Variants in MYO5B observed in about 807,000 individuals in gnomAD.
MYO5B encodes the protein myosin VB.
MYO5B carries 143 observed loss-of-function variants against 229.3 expected under a neutral mutation model. The ratio of observed to expected loss-of-function variants is 0.62; its 90% CI spans 0.54 to 0.72. The LOEUF (loss-of-function observed/expected upper bound fraction) is 0.72, where lower values mean the gene tolerates loss of function less well. Among genes scored for constraint, MYO5B ranks in the 30% least tolerant of loss-of-function variants. The probability of loss-of-function intolerance (pLI) is 0.00; values close to 1 mark genes in which losing one functional copy is unlikely to be tolerated. For missense variants in MYO5B, 2,321 were observed against 2,331.0 expected, an observed-to-expected ratio of 1.00 and a Z score of 0.09; for synonymous variants, 918 against 885.2, an observed-to-expected ratio of 1.04 and a Z score of -0.66.
chr18:50,182,420 C>T (rs1348363113), intron 1 of MYO5B, among the ~76,000 whole-genome samples: 2 of 152,068 alleles, frequency 1.3e-5, no homozygotes, highest in East Asian at 1.9e-4. Context: ...GTTAATAAAA[C>T]CTTTTGAGTT....
At chr18:49,944,958 G>T (rs2025355078) in intron 14 of MYO5B, among the ~76,000 whole-genome samples, 1 of 152,202 alleles carries the variant, frequency 6.6e-6, no homozygotes, top group South Asian at 2.1e-4. Context: ...CCAATGGCTA[G>T]AAGTGGTGTG....
intron 13 of MYO5B, among the ~76,000 whole-genome samples, chr18:49,953,969 G>A (rs1273274343): frequency 6.9e-6 from 1 of 145,914 alleles, no homozygotes; most frequent in Admixed American, 6.9e-5. Flanking sequence ...GTGTGTGTAT[G>A]TGTGTGTGTA....
intron 1 of MYO5B, among the ~76,000 whole-genome samples, chr18:50,142,234 C>T (rs988241406): frequency 1.1e-4 from 17 of 152,158 alleles, no homozygotes; most frequent in African/African-American, 3.1e-4. Flanking sequence ...TTCAGGTTGA[C>T]GGAGCAACCC....
At chr18:50,057,872 C>A (rs1336618735) in intron 1 of MYO5B, among the ~76,000 whole-genome samples, 1 of 152,156 alleles carries the variant, frequency 6.6e-6, no homozygotes, top group Non-Finnish European at 1.5e-5. Context: ...ACATCAGAAT[C>A]CTCATACTAA....
intron 1 of MYO5B, among the ~76,000 whole-genome samples, chr18:50,097,952 C>T (rs2031585459): frequency 6.6e-6 from 1 of 152,180 alleles, no homozygotes; most frequent in Non-Finnish European, 1.5e-5. Flanking sequence ...AACTAATGCT[C>T]TACCCTAAAC....
At chr18:50,148,677 C>T (rs866918966) in intron 1 of MYO5B, among the ~76,000 whole-genome samples, 11 of 151,870 alleles carry the variant, frequency 7.2e-5, no homozygotes, top group South Asian at 4.2e-4. Context: ...ATTGATGGGA[C>T]GTATCTCAAA....
chr18:50,023,828 G>T (rs1232914405), intron 4 of MYO5B, among the ~76,000 whole-genome samples: 2 of 152,112 alleles, frequency 1.3e-5, no homozygotes. Context: ...GGAGACACTA[G>T]AAGTTTCCAG....
At chr18:50,019,497 G>A (rs1478415346) in intron 4 of MYO5B, among the ~76,000 whole-genome samples, 1 of 152,210 alleles carries the variant, frequency 6.6e-6, no homozygotes, top group Non-Finnish European at 1.5e-5. Flanking sequence ...AGCCTCCAGA[G>A]CCCAGCATTC....
intron 1 of MYO5B, among the ~76,000 whole-genome samples, chr18:50,178,608 A>T (rs1055067735): frequency 1.3e-5 from 2 of 152,182 alleles, no homozygotes; most frequent in African/African-American, 4.8e-5. Context: ...TTATAACCTA[A>T]ATAATTTGGC....
chr18:49,956,673 T>C (rs2025495737), intron 12 of MYO5B, among the ~76,000 whole-genome samples: 1 of 75,902 alleles, frequency 1.3e-5, no homozygotes, highest in Admixed American at 1.3e-4. Context: ...GAAATGCACA[T>C]ACAGCTATAT....
chr18:49,906,777 G>T, intron 18 of MYO5B, 147 bp from the exon 19 acceptor site: 1 of 739,474 alleles, frequency 1.4e-6, no homozygotes, highest in Non-Finnish European at 2.3e-6. Context: ...CTCAGCATTT[G>T]CTTAACAGAC....
chr18:49,854,550 G>C (rs1244383286), intron 30 of MYO5B, among the ~76,000 whole-genome samples: 1 of 152,206 alleles, frequency 6.6e-6, no homozygotes, highest in African/African-American at 2.4e-5. Context: ...AGTGCAGCAG[G>C]CTTCATATGG....
chr18:50,075,648 C>T (rs776364398), intron 1 of MYO5B, among the ~76,000 whole-genome samples: 3 of 152,160 alleles, frequency 2.0e-5, no homozygotes, highest in Non-Finnish European at 4.4e-5. Flanking sequence ...TTCCCCAAGA[C>T]AGACTACAGG....
chr18:50,191,366 T>C (rs185995149), intron 1 of MYO5B, among the ~76,000 whole-genome samples: 1 of 152,296 alleles, frequency 6.6e-6, no homozygotes, highest in East Asian at 1.9e-4. Context: ...AATATTTGTT[T>C]GGGATTAATT....
chr18:50,169,252 A>G lies in MYO5B; in HGVS notation c.27+25515T>C, dbSNP rs1206393159. Among the ~76,000 whole-genome samples, 4 of 127,864 alleles carry G rather than the reference A, an allele frequency of 3.1e-5. 1 individual carries two copies. Among genetic ancestry groups the G allele is most frequent in the African/African-American group, 1.2e-4 (4 of 33,870 alleles). The allele number at this position is 127,864 out of a possible 152,430, so 83.9% of individuals were successfully genotyped here. On this transcript the variant is annotated intron_variant, in intron 1 of 39. Transcript: ENST00000285039. ...TGAGCCCAAGAGGCTGCAGTGAGCGATAATGATGCCAGTATACTCCAGCCT... is the reference window on the plus strand; with the variant it reads ...TGAGCCCAAGAGGCTGCAGTGAGCGGTAATGATGCCAGTATACTCCAGCCT...
At chr18:49,931,819 G>A (rs2025196102) in intron 16 of MYO5B, among the ~76,000 whole-genome samples, 1 of 152,192 alleles carries the variant, frequency 6.6e-6, no homozygotes, top group African/African-American at 2.4e-5. Context: ...CATGAAGGCA[G>A]AGCGGACACC....
In MYO5B at chr18:49,854,238, C is replaced by T. The variant is rs149870629; in HGVS notation, c.4023-591G>A. Reference sequence around the variant, plus strand: ...TTTTTACATACAAGTTTCCTCCAGCCAAAAATGAAAACTAAGACTATTTGC... The same window carrying T: ...TTTTTACATACAAGTTTCCTCCAGCTAAAAATGAAAACTAAGACTATTTGC... On this transcript the variant is annotated intron_variant, in intron 30 of 39. Coordinates refer to ENST00000285039, the MANE Select transcript of MYO5B (RefSeq NM_001080467.3). Among the ~76,000 whole-genome samples the T allele has an allele frequency of 9.0e-3, 1,373 of 152,232 alleles. 24 individuals are homozygous for T. Among genetic ancestry groups the T allele is most frequent in the African/African-American group, 0.031 (1,268 of 41,524 alleles).
chr18:49,837,511 C>T lies in MYO5B; in HGVS notation c.5138+6G>A, dbSNP rs750762016. On this transcript the variant is annotated splice_donor_region_variant and intron_variant, in intron 37 of 39. Transcript: ENST00000285039. Reference sequence around the variant, plus strand: ...TCTGTGTTGTTGGGGGGTGCTCCTCCCTTACCTGAGTTGCATGCCTGTGCT... The same window carrying T: ...TCTGTGTTGTTGGGGGGTGCTCCTCTCTTACCTGAGTTGCATGCCTGTGCT... 6.2e-7 allele frequency: 1 copy of T among 1,613,272 alleles called. No individual in the cohort carries two copies. Among genetic ancestry groups the T allele is most frequent in the Admixed American group, 1.7e-5 (1 of 59,998 alleles).
chr18:50,118,289 A>G (rs570098654), intron 1 of MYO5B, among the ~76,000 whole-genome samples: 2 of 152,230 alleles, frequency 1.3e-5, no homozygotes, highest in East Asian at 1.9e-4. Context: ...GCCGCTGCAG[A>G]AAAACAAATC....
Sources: allele counts gnomAD v4.1 joint callset (sites outside exome capture counted in the v4.1 genomes callset), GRCh38; gene constraint gnomAD v4.1.1; transcripts MANE v1.5; gene names NCBI Gene and HGNC (gene_info 2026-07-23, HGNC 2026-07-21).